The following SLC25A26 variants were observed in gnomAD, a reference collection of about 807,000 sequenced individuals.
SLC25A26 encodes the protein solute carrier family 25 member 26.
Under a neutral mutation model 37.8 loss-of-function variants are expected in SLC25A26, and 36 were observed. That is an observed-to-expected ratio of 0.95 (90% confidence interval 0.73 to 1.26). The LOEUF (loss-of-function observed/expected upper bound fraction) is 1.26. SLC25A26 is among the 50% of genes most tolerant of loss of function. The pLI is 0.00. For missense variants in SLC25A26, 390 were observed against 331.1 expected, an observed-to-expected ratio of 1.18 and a Z score of -1.38; for synonymous variants, 129 against 122.5, an observed-to-expected ratio of 1.05 and a Z score of -0.35.
intron 5 of SLC25A26, among the ~76,000 whole-genome samples, chr3:66,283,420 A>C (rs546975942): frequency 6.6e-6 from 1 of 152,070 alleles, no homozygotes; most frequent in African/African-American, 2.4e-5. Flanking sequence ...AGCTGGGACT[A>C]TAGACATGTA....
chr3:66,292,293 T>G (rs2074739734), intron 5 of SLC25A26, among the ~76,000 whole-genome samples: 1 of 152,192 alleles, frequency 6.6e-6, no homozygotes, highest in South Asian at 2.1e-4. Flanking sequence ...TCATTTAGCC[T>G]GTTTACATTT....
chr3:66,193,708 C>A (rs1479587381), intron 1 of SLC25A26, among the ~76,000 whole-genome samples: 1 of 151,876 alleles, frequency 6.6e-6, no homozygotes, highest in African/African-American at 2.4e-5. Flanking sequence ...CTTTTAGATG[C>A]TTTGCTATTA....
chr3:66,154,771 A>G (rs995541775), intron 1 of SLC25A26, among the ~76,000 whole-genome samples: 10 of 152,078 alleles, frequency 6.6e-5, no homozygotes, highest in Non-Finnish European at 1.5e-4. Context: ...CATAAGCCAC[A>G]GCGCCCGGCG....
intron 1 of SLC25A26, among the ~76,000 whole-genome samples, chr3:66,137,734 C>G (rs996443279): frequency 1.3e-5 from 2 of 152,158 alleles, no homozygotes; most frequent in Non-Finnish European, 2.9e-5. Context: ...TTGTTATCCC[C>G]CAACTCCTAA....
At chr3:66,176,224 T>A (rs2070585038) in intron 1 of SLC25A26, among the ~76,000 whole-genome samples, 1 of 152,240 alleles carries the variant, frequency 6.6e-6, no homozygotes, top group East Asian at 1.9e-4. Flanking sequence ...TCTAATTAAT[T>A]GTTTTGAAAA....
chr3:66,297,395 A>G (rs2074939340), intron 5 of SLC25A26, among the ~76,000 whole-genome samples: 2 of 151,672 alleles, frequency 1.3e-5, no homozygotes, highest in South Asian at 4.2e-4. Flanking sequence ...TTTGCTTAGT[A>G]AAGTCATTTT....
At chr3:66,179,504 A>G (rs989860738) in intron 1 of SLC25A26, among the ~76,000 whole-genome samples, 2 of 152,224 alleles carry the variant, frequency 1.3e-5, no homozygotes, top group African/African-American at 2.4e-5. Flanking sequence ...AAAATGTAAG[A>G]TTAGCACTGT....
intron 6 of SLC25A26, among the ~76,000 whole-genome samples, chr3:66,348,708 C>G (rs564817171): frequency 2.6e-5 from 4 of 152,148 alleles, no homozygotes; most frequent in Non-Finnish European, 5.9e-5. Flanking sequence ...TGTTAAGTAT[C>G]AAGAAGTATT....
chr3:66,180,908 C>A (rs191791261), intron 1 of SLC25A26, among the ~76,000 whole-genome samples: 15 of 152,126 alleles, frequency 9.9e-5, no homozygotes, highest in Admixed American at 9.2e-4. Context: ...GAGTGGGGAC[C>A]TAATCCAATA....
At chr3:66,252,878 C>G (rs1559619750) in intron 3 of SLC25A26, among the ~76,000 whole-genome samples, 1 of 151,930 alleles carries the variant, frequency 6.6e-6, no homozygotes, top group African/African-American at 2.4e-5. Flanking sequence ...CCAGGAGCAC[C>G]TCTGTTTTCT....
chr3:66,319,744 CTTTTTTTTTTTTTTTT>C (rs71105981), intron 5 of SLC25A26, among the ~76,000 whole-genome samples: 1 of 92,090 alleles, frequency 1.1e-5, no homozygotes, highest in East Asian at 3.5e-4. Context: ...GCAATTAAAT[CTTTTTTTTTTTTTTTT>C]TTTTTTTTTT....
intron 5 of SLC25A26, among the ~76,000 whole-genome samples, chr3:66,295,304 A>G (rs571059345): frequency 6.6e-6 from 1 of 152,150 alleles, no homozygotes; most frequent in Admixed American, 6.5e-5. Context: ...GCTCACTGCA[A>G]GCTCTGCCTC....
chr3:66,203,796 G>C (rs1248446687), intron 1 of SLC25A26, among the ~76,000 whole-genome samples: 1 of 152,188 alleles, frequency 6.6e-6, no homozygotes, highest in Non-Finnish European at 1.5e-5. Context: ...TCTAGGGTCT[G>C]CTTGTTGAGC....
chr3:66,176,015 T>TA (rs370198675), intron 1 of SLC25A26, among the ~76,000 whole-genome samples: 24 of 151,224 alleles, frequency 1.6e-4, no homozygotes, highest in Admixed American at 3.3e-4. Context: ...GTTGTTAAAT[T>TA]AAAAAAAAAA....
intron 5 of SLC25A26, among the ~76,000 whole-genome samples, chr3:66,283,553 G>A (rs998495533): frequency 1.3e-5 from 2 of 152,076 alleles, no homozygotes. Context: ...AAGTGCTGGG[G>A]TTATTAGGCC....
intron 7 of SLC25A26, 137 bp from the exon 8 acceptor site, chr3:66,369,341 G>A (rs947818306): frequency 2.9e-6 from 2 of 685,800 alleles, no homozygotes; most frequent in Non-Finnish European, 2.6e-6. Flanking sequence ...TAAAGATTGT[G>A]CATGTGTGCA....
intron 5 of SLC25A26, among the ~76,000 whole-genome samples, chr3:66,338,001 A>G (rs1052740714): frequency 4.6e-5 from 7 of 152,010 alleles, no homozygotes. Context: ...ATGATATTGA[A>G]TATTTCCCTA....
At chr3:66,238,029 C>T (rs565624981) in intron 2 of SLC25A26, among the ~76,000 whole-genome samples, 5 of 152,278 alleles carry the variant, frequency 3.3e-5, no homozygotes, top group Admixed American at 3.3e-4. Flanking sequence ...GGTCATCTTT[C>T]GATTTTTGTG....
chr3:66,331,010 A>T (rs962003601), intron 5 of SLC25A26, among the ~76,000 whole-genome samples: 1 of 151,934 alleles, frequency 6.6e-6, no homozygotes, highest in African/African-American at 2.4e-5. Context: ...TATTAATATA[A>T]TTTAGATATT....
Sources: allele counts gnomAD v4.1 joint callset (sites outside exome capture counted in the v4.1 genomes callset), GRCh38; gene constraint gnomAD v4.1.1; transcripts MANE v1.5; gene names NCBI Gene and HGNC (gene_info 2026-07-23, HGNC 2026-07-21).